BRSK2: variants seen among roughly 807,000 people sequenced by gnomAD.
The protein encoded by BRSK2 is serine/threonine-protein kinase BRSK2.
BRSK2 carries 19 observed loss-of-function variants against 83.3 expected under a neutral mutation model. That is an observed-to-expected ratio of 0.23 (90% CI 0.16 to 0.33). The LOEUF (loss-of-function observed/expected upper bound fraction) is 0.33, where lower values mean the gene tolerates loss of function less well. BRSK2 is among the 10% of genes least tolerant of loss of function. The pLI, the probability that BRSK2 is intolerant of heterozygous loss-of-function variation, is 1.00. For missense variants in BRSK2, 798 were observed against 1,042.3 expected (o/e 0.77, Z 3.23); for synonymous variants, 519 against 435.4 (o/e 1.19, Z -2.39).
At chr11:1,443,716 G>A in intron 8 of BRSK2, 81 bp downstream of exon 8, 1 of 1,423,934 alleles carries the variant, frequency 7.0e-7, no homozygotes, top group Non-Finnish European at 9.2e-7. Flanking sequence ...GTGCACAGGT[G>A]TGTGCCCAGA....
chr11:1,423,703 TCCCCCGC>T lies in BRSK2; in HGVS notation c.92-12336_92-12330del. On this transcript the variant is annotated intron_variant, in intron 1 of 19. Coordinates refer to ENST00000528841, the MANE Select transcript of BRSK2 (RefSeq NM_001256627.2). This position sits in a 1 kb window ranked among gnomAD's most constrained non-coding sequence, Gnocchi z 6.5. ...CTGGGCGTTCCGGGTGCCCCAGGCC[TCCCCCGC>T]TGGGCGTTCCGGGTGCCCCAGGCCT... Among the ~76,000 whole-genome samples, 1 of 150,120 alleles carries T rather than the reference TCCCCCGC, an allele frequency of 6.7e-6. No individual in the cohort carries two copies. The highest frequency in any genetic ancestry group is 2.1e-4 in the South Asian group (1 of 4,720).
At chr11:1,417,575 A>G (rs1467182666) in intron 1 of BRSK2, among the ~76,000 whole-genome samples, 1 of 127,028 alleles carries the variant, frequency 7.9e-6, no homozygotes, top group African/African-American at 3.0e-5. Context: ...AGTGGGTCAC[A>G]CTGTGTCCTG....
At chr11:1,401,385 G>C (rs1320769494) in intron 1 of BRSK2, among the ~76,000 whole-genome samples, 1 of 152,252 alleles carries the variant, frequency 6.6e-6, no homozygotes, top group Non-Finnish European at 1.5e-5. Flanking sequence ...TAGTGAGTCT[G>C]TCTGCCTGGG....
chr11:1,396,463 G>A (rs1423750703), intron 1 of BRSK2, among the ~76,000 whole-genome samples: 7 of 152,192 alleles, frequency 4.6e-5, no homozygotes, highest in Non-Finnish European at 1.0e-4. Flanking sequence ...GCCTCACCCT[G>A]CTCCGGCGCT....
chr11:1,444,602 A>G (rs1851765908), intron 8 of BRSK2, among the ~76,000 whole-genome samples: 1 of 152,026 alleles, frequency 6.6e-6, no homozygotes, highest in African/African-American at 2.4e-5. Flanking sequence ...GGAGGGGCCC[A>G]GCCCAGGCAG....
At chr11:1,409,728 G>C (rs1263319247) in intron 1 of BRSK2, 1 of 152,002 alleles carries the variant, frequency 6.6e-6, no homozygotes, top group East Asian at 1.9e-4. Flanking sequence ...CTTTAAATGC[G>C]TGCTGGCTGT....
intron 1 of BRSK2, among the ~76,000 whole-genome samples, chr11:1,429,312 T>G (rs1413463796): frequency 1.8e-5 from 2 of 109,998 alleles, no homozygotes; most frequent in African/African-American, 1.0e-4. Context: ...CCTGGGTGTG[T>G]GTGCGTGTGC....
At position 1,449,819 on chromosome 11, in the gene BRSK2, C is replaced by G; in HGVS notation, c.1270C>G (p.Pro424Ala). 1 of 1,612,084 alleles carries G rather than the reference C, an allele frequency of 6.2e-7. No individual in the cohort carries two copies. The highest frequency in any genetic ancestry group is 8.5e-7 in the Non-Finnish European group (1 of 1,179,482). Residue 424 changes from proline (P) to alanine (A), a missense_variant, in exon 13 of 20, where the codon CCA (proline) becomes GCA (alanine). This residue lies in a region of BRSK2 where 455 missense variants were observed against 455.2 expected (regional missense o/e 1.00). Transcript: ENST00000528841. Reference sequence around the variant, plus strand: ...TGCCTCCTCAGGCCTTTCCACCAGCCCACTCAGCAGCCCCCGGGTGAGTGA... The same window carrying G: ...TGCCTCCTCAGGCCTTTCCACCAGCGCACTCAGCAGCCCCCGGGTGAGTGA... ...SGASSGLSTS[P>A]LSSPRVTPHP...
chr11:1,445,118 G>T, intron 9 of BRSK2, 116 bp downstream of exon 9: 9 of 1,501,952 alleles, frequency 6.0e-6, no homozygotes, highest in Non-Finnish European at 8.3e-6. Flanking sequence ...CCCTGCCTTG[G>T]CCCTCCGTGG....
chr11:1,428,615 G>C (rs1276554257), intron 1 of BRSK2, among the ~76,000 whole-genome samples: 1 of 152,198 alleles, frequency 6.6e-6, no homozygotes, highest in African/African-American at 2.4e-5. Flanking sequence ...TGGTTGTCAG[G>C]CTCCCTCCCA....
intron 1 of BRSK2, among the ~76,000 whole-genome samples, chr11:1,405,732 C>T (rs966304563): frequency 1.3e-5 from 2 of 152,102 alleles, no homozygotes; most frequent in African/African-American, 4.8e-5. Flanking sequence ...AAAGATTGTG[C>T]TCTGTGCCGA....
rs1344652356 is a variant in BRSK2 at position 1,462,119 on chromosome 11, AAG to A, written c.*1399_*1400del. Reference sequence around the variant, plus strand: ...ATGAAAAAATTGAAAAAAAAGGACAAAGAGTCGGTGGCGCTCCTCTGCAGGGC... The same window carrying A: ...ATGAAAAAATTGAAAAAAAAGGACAAAGTCGGTGGCGCTCCTCTGCAGGGC... On this transcript the variant is annotated 3_prime_UTR_variant, in exon 20 of 20. Transcript: ENST00000528841. 1.3e-5 allele frequency: 2 copies of A among 152,020 alleles called. No homozygotes were observed. The highest frequency in any genetic ancestry group is 2.9e-5 in the Non-Finnish European group (2 of 67,996). The allele number at this position is 152,020 out of a possible 1,614,324, so 9.4% of individuals were successfully genotyped here. A position where few individuals can be genotyped will look rare whatever the true frequency, so the allele number is the denominator to read the frequency against.
chr11:1,414,057 T>G (rs768766416), intron 1 of BRSK2, among the ~76,000 whole-genome samples: 9 of 152,268 alleles, frequency 5.9e-5, no homozygotes, highest in Non-Finnish European at 1.3e-4. Flanking sequence ...CATCTGTGCT[T>G]AGTTTAAAAA....
At chr11:1,419,999 C>T (rs1848492920) in intron 1 of BRSK2, among the ~76,000 whole-genome samples, 1 of 152,042 alleles carries the variant, frequency 6.6e-6, no homozygotes, top group Non-Finnish European at 1.5e-5. Flanking sequence ...CGCCTCCTCC[C>T]ACACCCGGGC....
In BRSK2 at chr11:1,460,845, G is replaced by A; in HGVS notation, c.*122G>A. ...TCCGTCCAGACTGTTCTCAGAGCCTGGGAGGAAAGGAAAGGGGCGTTGGGG... is the reference window on the plus strand; with the variant it reads ...TCCGTCCAGACTGTTCTCAGAGCCTAGGAGGAAAGGAAAGGGGCGTTGGGG... On this transcript the variant is annotated 3_prime_UTR_variant, in exon 20 of 20. Coordinates refer to ENST00000528841, the MANE Select transcript of BRSK2 (RefSeq NM_001256627.2). 8 of 1,547,862 alleles carry A rather than the reference G, an allele frequency of 5.2e-6. No homozygotes were observed. The highest frequency in any genetic ancestry group is 7.0e-6 in the Non-Finnish European group (8 of 1,149,702).
At chr11:1,446,028 A>T in intron 12 of BRSK2, 121 bp downstream of exon 12, 11 of 1,143,388 alleles carry the variant, frequency 9.6e-6, no homozygotes, top group South Asian at 7.5e-5. Context: ...GTGGGGCTGT[A>T]TGGGCTAAAC....
intron 12 of BRSK2, among the ~76,000 whole-genome samples, chr11:1,446,440 GGGCTGGGCTGGCTTGACCCAAGCTT>G (rs889644282): frequency 2.0e-5 from 3 of 152,126 alleles, no homozygotes; most frequent in African/African-American, 7.2e-5. Flanking sequence ...GGGCTGAGCT[GGGCTGGGCTGGCTTGACCCAAGCTT>G]GGCTGGGCTG....
chr11:1,410,765 C>T, intron 1 of BRSK2: 1 of 985,340 alleles, frequency 1.0e-6, no homozygotes, highest in Non-Finnish European at 1.2e-6. Context: ...CTGGGGGACA[C>T]CCCTTCTGGT....
At chr11:1,394,786 G>A (rs1564789305) in intron 1 of BRSK2, among the ~76,000 whole-genome samples, 1 of 94,860 alleles carries the variant, frequency 1.1e-5, no homozygotes, top group Non-Finnish European at 2.3e-5. Flanking sequence ...CCATGGAGAT[G>A]GGTCCTGGAG....
Sources: allele counts gnomAD v4.1 joint callset (sites outside exome capture counted in the v4.1 genomes callset), GRCh38; gene constraint gnomAD v4.1.1; regional missense constraint gnomAD v4.1.1; non-coding constraint Gnocchi (gnomAD v3.1); transcripts MANE v1.5; gene names NCBI Gene and HGNC (gene_info 2026-07-23, HGNC 2026-07-21).